Variants in PRDM5 observed in about 807,000 individuals in gnomAD.
The protein encoded by PRDM5 is PR/SET domain 5.
PRDM5 carries 56 observed loss-of-function variants against 81.2 expected under a neutral mutation model. The ratio of observed to expected loss-of-function variants is 0.69; its 90% CI spans 0.56 to 0.86. PRDM5 has a LOEUF of 0.86. Among genes scored for constraint, PRDM5 ranks in the 40% least tolerant of loss-of-function variants. The pLI, the probability that PRDM5 is intolerant of heterozygous loss-of-function variation, is 0.00. For synonymous variants in PRDM5, 267 were observed against 256.4 expected (o/e 1.04, Z -0.39); for missense variants, 697 against 770.1 (o/e 0.91, Z 1.12).
At chr4:120,899,235 C>T (rs1183934563) in intron 2 of PRDM5, among the ~76,000 whole-genome samples, 1 of 152,166 alleles carries the variant, frequency 6.6e-6, no homozygotes, top group Non-Finnish European at 1.5e-5. Context: ...CATCCCCATG[C>T]TGTATAGTAA....
intron 14 of PRDM5, among the ~76,000 whole-genome samples, chr4:120,745,119 G>T (rs1346161475): frequency 8.3e-6 from 1 of 119,824 alleles, no homozygotes; most frequent in African/African-American, 3.3e-5. Flanking sequence ...ATGCAAGGCT[G>T]GTTCAATATA....
At chr4:120,887,090 C>T (rs1245399890) in intron 2 of PRDM5, among the ~76,000 whole-genome samples, 9 of 152,012 alleles carry the variant, frequency 5.9e-5, no homozygotes, top group Non-Finnish European at 1.2e-4. Context: ...GGACTACAGG[C>T]GCCCGCCACC....
chr4:120,866,541 A>G (rs906546715), intron 2 of PRDM5, among the ~76,000 whole-genome samples: 1 of 152,162 alleles, frequency 6.6e-6, no homozygotes, highest in African/African-American at 2.4e-5. Flanking sequence ...TATATAATTT[A>G]CTCCTCAAAA....
At chr4:120,922,092 G>A (rs888810936) in intron 1 of PRDM5, among the ~76,000 whole-genome samples, 5 of 152,214 alleles carry the variant, frequency 3.3e-5, no homozygotes, top group African/African-American at 9.6e-5. Context: ...GAAAAGAGGC[G>A]ACAGCGGAGC....
intron 2 of PRDM5, among the ~76,000 whole-genome samples, chr4:120,854,682 A>T (rs1473629669): frequency 6.6e-6 from 1 of 152,120 alleles, no homozygotes; most frequent in African/African-American, 2.4e-5. Context: ...CAAATGTAGA[A>T]TATAATTTCG....
chr4:120,874,285 A>G (rs1289958935), intron 2 of PRDM5, among the ~76,000 whole-genome samples: 1 of 152,224 alleles, frequency 6.6e-6, no homozygotes, highest in African/African-American at 2.4e-5. Flanking sequence ...AGCTTCTATT[A>G]TTGAAGTAGA....
intron 14 of PRDM5, among the ~76,000 whole-genome samples, chr4:120,739,900 G>T (rs1741664652): frequency 6.6e-6 from 1 of 152,110 alleles, no homozygotes; most frequent in African/African-American, 2.4e-5. Flanking sequence ...TGCCAAGTGG[G>T]TTGATGACCA....
At chr4:120,742,605 C>T (rs1340148965) in intron 14 of PRDM5, among the ~76,000 whole-genome samples, 3 of 152,138 alleles carry the variant, frequency 2.0e-5, no homozygotes, top group Non-Finnish European at 4.4e-5. Flanking sequence ...GAGCTGAAAA[C>T]CAAGGCTTGA....
chr4:120,843,825 A>G (rs768077181), intron 3 of PRDM5, among the ~76,000 whole-genome samples: 2 of 152,220 alleles, frequency 1.3e-5, no homozygotes, highest in Non-Finnish European at 2.9e-5. Flanking sequence ...TAGGGTCACC[A>G]AGCCACTATA....
At chr4:120,890,377 C>A (rs181997801) in intron 2 of PRDM5, among the ~76,000 whole-genome samples, 8 of 152,304 alleles carry the variant, frequency 5.3e-5, no homozygotes, top group African/African-American at 1.9e-4. Flanking sequence ...ACCCCATGAT[C>A]CAATCACCTC....
intron 15 of PRDM5, among the ~76,000 whole-genome samples, chr4:120,701,446 T>C (rs903930471): frequency 4.6e-5 from 7 of 152,074 alleles, no homozygotes; most frequent in African/African-American, 1.7e-4. Flanking sequence ...CCATGAACAG[T>C]GGACTGGATA....
intron 14 of PRDM5, among the ~76,000 whole-genome samples, chr4:120,742,680 C>T (rs1338355380): frequency 6.6e-6 from 1 of 152,002 alleles, no homozygotes; most frequent in Non-Finnish European, 1.5e-5. Flanking sequence ...AGGGTATCAG[C>T]AATGGAAGGT....
intron 3 of PRDM5, among the ~76,000 whole-genome samples, chr4:120,827,333 T>A (rs1756138885): frequency 6.6e-6 from 1 of 152,088 alleles, no homozygotes; most frequent in African/African-American, 2.4e-5. Flanking sequence ...AAAAAACTTT[T>A]GTAATAAAGA....
intron 15 of PRDM5, 65 bp from the exon 16 acceptor site, chr4:120,695,340 ACACT>A: frequency 6.5e-7 from 1 of 1,545,002 alleles, no homozygotes; most frequent in Non-Finnish European, 8.9e-7. Context: ...ACAAAATTTA[ACACT>A]CACACTATTG....
chr4:120,861,323 G>T (rs1226930344), intron 2 of PRDM5, among the ~76,000 whole-genome samples: 1 of 152,034 alleles, frequency 6.6e-6, no homozygotes, highest in Non-Finnish European at 1.5e-5. Context: ...TCAGCTTTTG[G>T]AGAATTTTCC....
At chr4:120,750,637 C>T (rs1010565820) in intron 14 of PRDM5, among the ~76,000 whole-genome samples, 1 of 151,934 alleles carries the variant, frequency 6.6e-6, no homozygotes, top group Admixed American at 6.6e-5. Flanking sequence ...TATTTCCAGG[C>T]ATAAGCAGTA....
chr4:120,814,547 T>C (rs1013849757), intron 7 of PRDM5, among the ~76,000 whole-genome samples: 1 of 152,164 alleles, frequency 6.6e-6, no homozygotes, highest in African/African-American at 2.4e-5. Context: ...AAAAATGTGA[T>C]CCATATTGAA....
At chr4:120,706,283 T>C (rs1736129168) in intron 15 of PRDM5, among the ~76,000 whole-genome samples, 2 of 152,126 alleles carry the variant, frequency 1.3e-5, no homozygotes, top group South Asian at 2.1e-4. Context: ...TCCTGAGTTT[T>C]AGTGGAGATC....
chr4:120,884,015 G>A (rs923088844), intron 2 of PRDM5, among the ~76,000 whole-genome samples: 5 of 152,058 alleles, frequency 3.3e-5, no homozygotes, highest in African/African-American at 1.2e-4. Flanking sequence ...TAATAAAACT[G>A]CTATGAAAAA....
Sources: allele counts gnomAD v4.1 joint callset (sites outside exome capture counted in the v4.1 genomes callset), GRCh38; gene constraint gnomAD v4.1.1; transcripts MANE v1.5; gene names NCBI Gene and HGNC (gene_info 2026-07-23, HGNC 2026-07-21).